Variants in ZMYND15 observed in about 807,000 individuals in gnomAD.
The protein encoded by ZMYND15 is zinc finger MYND-type containing 15, also known as zinc finger MYND domain-containing protein 15.
ZMYND15 carries 54 observed loss-of-function variants against 81.7 expected under a neutral mutation model. The observed-to-expected ratio is 0.66, with a 90% confidence interval of 0.53 to 0.83. The LOEUF is 0.83. ZMYND15 is among the 40% of genes least tolerant of loss of function. The probability of loss-of-function intolerance (pLI) is 0.00; values close to 1 mark genes in which losing one functional copy is unlikely to be tolerated. For missense variants in ZMYND15, 925 were observed against 973.5 expected (o/e 0.95, Z 0.66); for synonymous variants, 399 against 387.0 (o/e 1.03, Z -0.36).
chr17:4,741,317 A>G (rs1216671591), intron 2 of ZMYND15, among the ~76,000 whole-genome samples, 177 bp downstream of exon 2: 1 of 152,084 alleles, frequency 6.6e-6, no homozygotes, highest in African/African-American at 2.4e-5. Context: ...ATTGCAAGAA[A>G]AAAAGTATCC....
At chr17:4,742,755 C>T (rs1916483267) in intron 5 of ZMYND15, among the ~76,000 whole-genome samples, 1 of 152,170 alleles carries the variant, frequency 6.6e-6, no homozygotes, top group Admixed American at 6.5e-5. Flanking sequence ...AGCTCCACCA[C>T]TAACTGCAGT....
rs377028595 is a variant in ZMYND15 at position 4,744,670 on chromosome 17, C to T, written c.1729C>T (p.Arg577Trp). The change falls in exon 11 of 14, where the codon CGG becomes TGG. Residue 577 changes from arginine (R) to tryptophan (W), a missense_variant. Physicochemically the swap from Arg to Trp is moderately radical, Grantham distance 101. Coordinates refer to ENST00000433935, the MANE Select transcript of ZMYND15 (RefSeq NM_001136046.3). This position sits in a 1 kb window ranked among gnomAD's most constrained non-coding sequence, Gnocchi z 4.1. ...CCGGCCTGGTTCCGGCATATCAGCACGGCCCAGCTCTGGCACTAAGGAGAA... is the reference window on the plus strand; with the variant it reads ...CCGGCCTGGTTCCGGCATATCAGCATGGCCCAGCTCTGGCACTAAGGAGAA... ...SVRPGSGISA[R>W]PSSGTKEKGG... 18 of 1,613,660 alleles carry T rather than the reference C, an allele frequency of 1.1e-5. No individual in the cohort carries two copies. Among genetic ancestry groups the T allele is most frequent in the East Asian group, 6.7e-5 (3 of 44,866 alleles).
At position 4,741,699 on chromosome 17, in the gene ZMYND15, C is replaced by T. The variant is rs146775013; in HGVS notation, c.710C>T (p.Thr237Ile). The T allele has an allele frequency of 2.5e-6, 4 of 1,613,950 alleles. No homozygotes were observed. The highest frequency in any genetic ancestry group is 3.3e-5 in the Admixed American group (2 of 59,982). ...AQGTASWGSG[T>I]KDLAPWAYAL... ...GGAACCGCAAGCTGGGGCTCAGGGA[C>T]CAAGGACCTGGCTCCTTGGGCCTAT... Residue 237 changes from threonine (T) to isoleucine (I), a missense_variant, in exon 3 of 14, where the codon ACC becomes ATC. By Grantham distance (89) the Thr-to-Ile change is moderately conservative (BLOSUM62 -1). Coordinates refer to ENST00000433935, the MANE Select transcript of ZMYND15 (RefSeq NM_001136046.3).
In ZMYND15 at chr17:4,741,687, G is replaced by A; in HGVS notation, c.698G>A (p.Trp233Ter). The change falls in exon 3 of 14, where the codon TGG becomes TAG. Residue 233 changes from tryptophan to a stop codon, truncating the protein, a stop_gained. Coordinates refer to ENST00000433935, the MANE Select transcript of ZMYND15 (RefSeq NM_001136046.3). LOFTEE classifies it high-confidence loss of function. ...GATGGAGCCCAGGGAACCGCAAGCT[G>A]GGGCTCAGGGACCAAGGACCTGGCT... ...LVDGAQGTAS[W>*]GSGTKDLAPW... 6.2e-7 allele frequency: 1 copy of A among 1,614,128 alleles called. No homozygotes were observed. The highest frequency in any genetic ancestry group is 1.6e-4 in the Middle Eastern group (1 of 6,062).
rs753665022 is a variant in ZMYND15 at position 4,746,000 on chromosome 17, C to T, written c.*10C>T. ...CCGCCGGCGGAAATGAATGCTGATA[C>T]CCTAGTAGTCCCCAGCTCCCAAACA... On this transcript the variant is annotated 3_prime_UTR_variant, in exon 14 of 14. Transcript: ENST00000433935. The surrounding 1 kb of genome is among the most constrained non-coding windows in gnomAD (Gnocchi z 5.2). 7 of 1,421,186 alleles carry T rather than the reference C, an allele frequency of 4.9e-6. No individual in the cohort carries two copies. The African/African-American group carries it at 7.6e-5, about 15-fold the overall frequency. The allele number at this position is 1,421,186 out of a possible 1,614,324, so 88.0% of individuals were successfully genotyped here.
chr17:4,743,223 A>G lies in ZMYND15; in HGVS notation c.1145-80A>G. On this transcript the variant is annotated intron_variant, in intron 5 of 13. Transcript: ENST00000433935. This position sits in a 1 kb window ranked among gnomAD's most constrained non-coding sequence, Gnocchi z 4.3. ...CACTGCACTCTAGCTTGGGTGATAG[A>G]GCAAGACTCTGTCTCAAAAAAAAAA... 2 of 1,424,964 alleles carry G rather than the reference A, an allele frequency of 1.4e-6. No homozygotes were observed. Among genetic ancestry groups the G allele is most frequent in the Non-Finnish European group, 1.9e-6 (2 of 1,056,930 alleles). 88.3% of individuals were successfully genotyped at this position (1,424,964 alleles called of 1,614,324 possible). A position where few individuals can be genotyped will look rare whatever the true frequency, so the allele number is the denominator to read the frequency against.
chr17:4,740,403 C>T, intron 1 of ZMYND15, 116 bp from the exon 2 acceptor site: 1 of 1,367,302 alleles, frequency 7.3e-7, no homozygotes, highest in Non-Finnish European at 9.5e-7. Flanking sequence ...CCTAGCATAT[C>T]CACGGATCCA....
Position 4,741,723 on chromosome 17 carries a change from A to G in ZMYND15, c.734A>G (p.Tyr245Cys), listed in dbSNP as rs1323759190. The G allele has an allele frequency of 2.5e-6, 4 of 1,613,168 alleles. No homozygotes were observed. The highest frequency in any genetic ancestry group is 1.7e-6 in the Non-Finnish European group (2 of 1,179,432). ...SGTKDLAPWA[Y>C]ALLCHSMACP... ...ACCAAGGACCTGGCTCCTTGGGCCT[A>G]TGCTCTCCTCTGTCACAGCATGGCC... is the stretch of plus-strand genomic sequence containing the variant. Residue 245 changes from tyrosine to cysteine, a missense_variant, in exon 3 of 14, where the codon TAT (tyrosine) becomes TGT (cysteine). By Grantham distance (194) the Tyr-to-Cys change is radical. Coordinates refer to ENST00000433935, the MANE Select transcript of ZMYND15 (RefSeq NM_001136046.3).
chr17:4,745,971 G>T lies in ZMYND15; in HGVS notation c.2210G>T (p.Gly737Val). Residue 737 changes from glycine (G) to valine (V), a missense_variant, in exon 14 of 14, where the codon GGG becomes GTG. Coordinates refer to ENST00000433935, the MANE Select transcript of ZMYND15 (RefSeq NM_001136046.3). The surrounding 1 kb of genome is among the most constrained non-coding windows in gnomAD (Gnocchi z 5.2). ...CGAGGAGAAAAGAAACCTGGGCGGG[G>T]GGCCCGCCGGCGGAAATGAATGCTG... is the stretch of plus-strand genomic sequence containing the variant. ...RRRGEKKPGR[G>V]ARRRK 1 of 1,445,670 alleles carries T rather than the reference G, an allele frequency of 6.9e-7. No individual in the cohort carries two copies. Among genetic ancestry groups the T allele is most frequent in the Non-Finnish European group, 9.1e-7 (1 of 1,104,016 alleles). The allele number at this position is 1,445,670 out of a possible 1,614,324, so 89.6% of individuals were successfully genotyped here.
At position 4,744,144 on chromosome 17, in the gene ZMYND15, G is replaced by T; in HGVS notation, c.1495+37G>T. The T allele has an allele frequency of 6.2e-7, 1 of 1,613,078 alleles. No individual in the cohort carries two copies. Among genetic ancestry groups the T allele is most frequent in the Non-Finnish European group, 8.5e-7 (1 of 1,179,404 alleles). ...GGAGTGGGGGGTGGAGCAGGATGGG[G>T]GAGTGAGAGTGGACCACATCCTTAA... On this transcript the variant is annotated intron_variant, in intron 8 of 13. Transcript: ENST00000433935. The surrounding 1 kb of genome is among the most constrained non-coding windows in gnomAD (Gnocchi z 4.1).
In ZMYND15 at chr17:4,742,453, C is replaced by A. The variant is rs2150628192; in HGVS notation, c.1106C>A (p.Ala369Glu). The A allele has an allele frequency of 6.2e-7, 1 of 1,614,144 alleles. No individual in the cohort carries two copies. The highest frequency in any genetic ancestry group is 1.7e-5 in the Admixed American group (1 of 60,026). Residue 369 changes from alanine (A) to glutamate (E), a missense_variant, in exon 5 of 14, where the codon GCA becomes GAA. By Grantham distance (107) the Ala-to-Glu change is moderately radical (BLOSUM62 -1). Coordinates refer to ENST00000433935, the MANE Select transcript of ZMYND15 (RefSeq NM_001136046.3). The part of the protein sequence containing the change: ...CPRLAAFMER[A>E]GELATLPFTY... Reference sequence around the variant, plus strand: ...AGGCTTGCAGCCTTCATGGAGCGGGCAGGAGAACTGGCAACCCTGCCTTTT... The same window carrying A: ...AGGCTTGCAGCCTTCATGGAGCGGGAAGGAGAACTGGCAACCCTGCCTTTT...
chr17:4,741,194 G>A (rs547829570), intron 2 of ZMYND15, 54 bp downstream of exon 2: 681 of 1,393,336 alleles, frequency 4.9e-4, no homozygotes, highest in South Asian at 2.2e-3. Flanking sequence ...TCCTCCCTTC[G>A]GAAGCCCTCC....
At position 4,745,097 on chromosome 17, in the gene ZMYND15, C is replaced by T; in HGVS notation, c.1897-118C>T. On this transcript the variant is annotated intron_variant, in intron 12 of 13. Transcript: ENST00000433935. The surrounding 1 kb of genome is among the most constrained non-coding windows in gnomAD (Gnocchi z 5.2). Reference sequence around the variant, plus strand: ...CTCTCTGTGTCTGTCTCCGTCCTCCCCCTGCTCCCCTCCGCCCGGTCTGTC... The same window carrying T: ...CTCTCTGTGTCTGTCTCCGTCCTCCTCCTGCTCCCCTCCGCCCGGTCTGTC... The T allele has an allele frequency of 1.3e-6, 2 of 1,571,678 alleles. No individual in the cohort carries two copies. Among genetic ancestry groups the T allele is most frequent in the African/African-American group, 1.3e-5 (1 of 74,200 alleles).
rs1211010689 is a variant in ZMYND15, at chr17:4,744,372, C to A, written c.1588C>A (p.Leu530Ile). The change falls in exon 10 of 14, where the codon CTT becomes ATT. Residue 530 changes from leucine to isoleucine, a missense_variant. Leu to Ile is a conservative substitution (Grantham distance 5). Coordinates refer to ENST00000433935, the MANE Select transcript of ZMYND15 (RefSeq NM_001136046.3). This position sits in a 1 kb window ranked among gnomAD's most constrained non-coding sequence, Gnocchi z 4.1. ...TTTCTTTCTTTCTGTCCTTCAGGAG[C>A]TTTTGGTCCTGCTCCCCCATGTGGC... ...EFDLVMVFWE[L>I]LVLLPHVALE... 1.2e-6 allele frequency: 2 copies of A among 1,614,110 alleles called. No individual in the cohort carries two copies. Among genetic ancestry groups the A allele is most frequent in the Admixed American group, 1.7e-5 (1 of 60,010 alleles).
rs117299344 is a variant in ZMYND15 at position 4,741,916 on chromosome 17, G to A, written c.829G>A (p.Glu277Lys). 6.2e-5 allele frequency: 100 copies of A among 1,614,020 alleles called. No individual in the cohort carries two copies. The highest frequency in any genetic ancestry group is 8.4e-5 in the Non-Finnish European group (99 of 1,179,948). The change falls in exon 4 of 14, where the codon GAG becomes AAG. Residue 277 changes from glutamate (E) to lysine (K), a missense_variant and splice_region_variant. Physicochemically the swap from Glu to Lys is moderately conservative, Grantham distance 56. Coordinates refer to ENST00000433935, the MANE Select transcript of ZMYND15 (RefSeq NM_001136046.3). ...LTVGDARLHR[E>K]LESLVPRLGV... ...CATCTCCCCCCCAACTGCATTTAGA[G>A]AGCTGGAGAGCTTGGTCCCAAGGCT...
Position 4,745,061 on chromosome 17 carries a change from T to C in ZMYND15, c.1896+133T>C, listed in dbSNP as rs1597285110. 6.6e-7 allele frequency: 1 copy of C among 1,525,180 alleles called. No homozygotes were observed. The highest frequency in any genetic ancestry group is 1.2e-5 in the South Asian group (1 of 86,224). The allele number at this position is 1,525,180 out of a possible 1,614,324, so 94.5% of individuals were successfully genotyped here. The stretch of plus-strand genomic sequence containing the variant: ...CACAAACCTGGGGAGTGCCCACGGG[T>C]CCCCCTGCCTCTCTCTGTGTCTGTC... On this transcript the variant is annotated intron_variant, in intron 12 of 13. Coordinates refer to ENST00000433935, the MANE Select transcript of ZMYND15 (RefSeq NM_001136046.3). The surrounding 1 kb of genome is among the most constrained non-coding windows in gnomAD (Gnocchi z 5.2).
chr17:4,743,884 G>T lies in ZMYND15; in HGVS notation c.1378+37G>T. The T allele has an allele frequency of 6.2e-7, 1 of 1,609,274 alleles. No individual in the cohort carries two copies. Among genetic ancestry groups the T allele is most frequent in the African/African-American group, 1.3e-5 (1 of 74,932 alleles). On this transcript the variant is annotated intron_variant, in intron 7 of 13. Transcript: ENST00000433935. This position sits in a 1 kb window ranked among gnomAD's most constrained non-coding sequence, Gnocchi z 4.3. ...GGGCCCTGTGGAAGCTAGGGGTAGG[G>T]CCAGGGACTGGAGAACCAGAGCCTG... is the stretch of plus-strand genomic sequence containing the variant.
rs772476847 is a variant in ZMYND15 at position 4,744,317 on chromosome 17, T to C, written c.1584+39T>C. 1.1e-5 allele frequency: 17 copies of C among 1,613,878 alleles called. No homozygotes were observed. The highest frequency in any genetic ancestry group is 1.4e-5 in the Non-Finnish European group (17 of 1,179,898). On this transcript the variant is annotated intron_variant, in intron 9 of 13. Transcript: ENST00000433935. The surrounding 1 kb of genome is among the most constrained non-coding windows in gnomAD (Gnocchi z 4.1). Reference sequence around the variant, plus strand: ...GGCCTGAAGGTTGGGCATTTTGGTATGGGGGTGGGCACAGGGTAGACCCCA... The same window carrying C: ...GGCCTGAAGGTTGGGCATTTTGGTACGGGGGTGGGCACAGGGTAGACCCCA...
At position 4,742,183 on chromosome 17, in the gene ZMYND15, G is replaced by A. The variant is rs930065532; in HGVS notation, c.983+113G>A. ...AGGAGAGGCAGGGACATGAGAAGAT[G>A]CAGAGGAAACAATACAGACTGTTAC... On this transcript the variant is annotated intron_variant, in intron 4 of 13. Coordinates refer to ENST00000433935, the MANE Select transcript of ZMYND15 (RefSeq NM_001136046.3). The A allele has an allele frequency of 5.2e-6, 8 of 1,549,726 alleles. No homozygotes were observed. In the South Asian group the frequency reaches 8.4e-5, roughly 16 times the overall value.
Sources: allele counts gnomAD v4.1 joint callset (sites outside exome capture counted in the v4.1 genomes callset), GRCh38; gene constraint gnomAD v4.1.1; non-coding constraint Gnocchi (gnomAD v3.1); transcripts MANE v1.5; gene names NCBI Gene and HGNC (gene_info 2026-07-23, HGNC 2026-07-21).